HFM1: variants seen among roughly 807,000 people sequenced by gnomAD.
HFM1 encodes helicase for meiosis 1.
In HFM1, 169 loss-of-function variants were observed where a neutral mutation model predicts 192.1. The observed-to-expected ratio is 0.88, with a 90% CI of 0.78 to 1.00. The LOEUF (loss-of-function observed/expected upper bound fraction) is 1.00. HFM1 is among the 50% of genes least tolerant of loss of function. The pLI is 0.00. For missense variants in HFM1, 1,661 were observed against 1,668.0 expected, an observed-to-expected ratio of 1.00 and a Z score of 0.07; for synonymous variants, 525 against 537.8, an observed-to-expected ratio of 0.98 and a Z score of 0.33.
At chr1:91,264,743 T>C (rs1341931971) in intron 36 of HFM1, among the ~76,000 whole-genome samples, 1 of 152,116 alleles carries the variant, frequency 6.6e-6, no homozygotes, top group East Asian at 1.9e-4. Context: ...TTGGTATTTC[T>C]TCTGTTTTGA....
chr1:91,262,791 T>A (rs1207184716), intron 36 of HFM1, among the ~76,000 whole-genome samples, 199 bp from the exon 37 acceptor site: 1 of 152,130 alleles, frequency 6.6e-6, no homozygotes, highest in Non-Finnish European at 1.5e-5. Flanking sequence ...ATATCCCAAA[T>A]TAGGAAAAAG....
chr1:91,359,553 C>A (rs1246557886), intron 13 of HFM1, among the ~76,000 whole-genome samples: 10 of 136,124 alleles, frequency 7.3e-5, no homozygotes, highest in African/African-American at 1.1e-4. Flanking sequence ...GACAAGAATA[C>A]AAAAAAAAAA....
intron 30 of HFM1, among the ~76,000 whole-genome samples, chr1:91,280,091 C>T (rs1667327146): frequency 6.6e-6 from 1 of 152,138 alleles, no homozygotes; most frequent in Non-Finnish European, 1.5e-5. Context: ...TCTACTATTA[C>T]ATCAATCCAA....
chr1:91,319,069 A>G lies in HFM1; in HGVS notation c.2812+9T>C, dbSNP rs1651681538. 6.3e-7 allele frequency: 1 copy of G among 1,582,618 alleles called. No homozygotes were observed. The highest frequency in any genetic ancestry group is 1.7e-4 in the Middle Eastern group (1 of 5,822). On this transcript the variant is annotated intron_variant, in intron 25 of 38. Coordinates refer to ENST00000370425, the MANE Select transcript of HFM1 (RefSeq NM_001017975.6). The stretch of plus-strand genomic sequence containing the variant: ...ATGGCCAAACTGCCTGCCTGTATTC[A>G]GTACCTACCAATTTTTTCCAGTTGT...
At chr1:91,328,552 G>A (rs1653286929) in intron 20 of HFM1, 4 of 1,612,276 alleles carry the variant, frequency 2.5e-6, no homozygotes, top group Middle Eastern at 1.7e-4. Flanking sequence ...GAACGAGGAG[G>A]GTGAGACCAC....
At chr1:91,330,206 GT>G (rs1268390951) in intron 20 of HFM1, among the ~76,000 whole-genome samples, 1 of 151,820 alleles carries the variant, frequency 6.6e-6, no homozygotes, top group African/African-American at 2.4e-5. Context: ...TTCATGTGCT[GT>G]TTTTGTTTTA....
At position 91,273,512 on chromosome 1, in the gene HFM1, T is replaced by A. The variant is rs764431323; in HGVS notation, c.3772+200A>T. Among the ~76,000 whole-genome samples the A allele has an allele frequency of 5.9e-4, 89 of 152,106 alleles. 1 individual carries two copies. The highest frequency in any genetic ancestry group is 6.8e-3 in the Middle Eastern group (2 of 294). ...ATTATGTAGGAAAGAGATTTTTTTTTAAAAAGTACAACAAACAGAGTAAGA... is the reference window on the plus strand; with the variant it reads ...ATTATGTAGGAAAGAGATTTTTTTTAAAAAAGTACAACAAACAGAGTAAGA... On this transcript the variant is annotated intron_variant, in intron 34 of 38. Transcript: ENST00000370425.
intron 36 of HFM1, among the ~76,000 whole-genome samples, chr1:91,264,300 T>C (rs1665460412): frequency 6.7e-6 from 1 of 148,884 alleles, no homozygotes; most frequent in South Asian, 2.1e-4. Context: ...GTGATGCTGA[T>C]ACTAATAATC....
intron 13 of HFM1, among the ~76,000 whole-genome samples, chr1:91,365,419 G>A (rs1659167057): frequency 6.6e-6 from 1 of 151,874 alleles, no homozygotes; most frequent in Admixed American, 6.6e-5. Context: ...CATCACTACA[G>A]TAACCATTTT....
At chr1:91,364,632 A>ATATATATATATTTTTT (rs753472335) in intron 13 of HFM1, among the ~76,000 whole-genome samples, 23 of 66,786 alleles carry the variant, frequency 3.4e-4, no homozygotes, top group Admixed American at 2.2e-3. Context: ...ATATATATAT[A>ATATATATATATTTTTT]TTTTTTTTTT....
intron 25 of HFM1, 134 bp downstream of exon 25, chr1:91,318,944 T>C (rs140050207): frequency 4.4e-5 from 35 of 792,882 alleles, no homozygotes; most frequent in Non-Finnish European, 6.5e-5. Flanking sequence ...TTTTCGAAAG[T>C]ACAGCACTTA....
chr1:91,364,876 G>A lies in HFM1; in HGVS notation c.1685+10482C>T, dbSNP rs540416488. Among the ~76,000 whole-genome samples, 18 of 151,300 alleles carry A rather than the reference G, an allele frequency of 1.2e-4. No individual in the cohort carries two copies. The East Asian group carries it at 2.0e-3, about 16-fold the overall frequency. On this transcript the variant is annotated intron_variant, in intron 13 of 38. Coordinates refer to ENST00000370425, the MANE Select transcript of HFM1 (RefSeq NM_001017975.6). ...TCTTGATCTCCTGACCTCATGATTC[G>A]CCTGCCTCGGCCTCCCAAAGTGCTG...
intron 20 of HFM1, among the ~76,000 whole-genome samples, chr1:91,338,559 C>A (rs957150395): frequency 1.3e-5 from 2 of 152,166 alleles, no homozygotes; most frequent in African/African-American, 4.8e-5. Flanking sequence ...CGATGTGCAC[C>A]CACCAACAGC....
chr1:91,378,118 A>G lies in HFM1; in HGVS notation c.1302T>C (p.Thr434=), dbSNP rs1661123551. 6.2e-7 allele frequency: 1 copy of G among 1,611,642 alleles called. No homozygotes were observed. The highest frequency in any genetic ancestry group is 1.1e-5 in the South Asian group (1 of 90,854). ...TTAAAGTCTGAGAAACAGACTGTAC[A>G]GTTTTCATTCTGCTAACTACAACTT... is the stretch of plus-strand genomic sequence containing the variant. ...TLEVVVSRMK[T]VQSVSQTLKN... Residue 434 remains threonine, a synonymous_variant, in exon 11 of 39, where the codon ACT becomes ACC. Transcript: ENST00000370425.
At chr1:91,338,510 T>A (rs1454473967) in intron 20 of HFM1, among the ~76,000 whole-genome samples, 1 of 152,122 alleles carries the variant, frequency 6.6e-6, no homozygotes, top group African/African-American at 2.4e-5. Context: ...CATAGCTCCT[T>A]AGCCAGCAGA....
In HFM1 at chr1:91,281,064, T is replaced by A. The variant is rs556942011; in HGVS notation, c.3392-4002A>T. Among the ~76,000 whole-genome samples, 6 of 152,278 alleles carry A rather than the reference T, an allele frequency of 3.9e-5. No individual in the cohort carries two copies. In the East Asian group the frequency reaches 5.8e-4, roughly 15 times the overall value. On this transcript the variant is annotated intron_variant, in intron 30 of 38. Coordinates refer to ENST00000370425, the MANE Select transcript of HFM1 (RefSeq NM_001017975.6). ...AAGAGGGGGCACAATCAGATCTGCA[T>A]TGTGAAAAACGTCACCATATAGAGT...
chr1:91,332,412 G>T (rs915887023), intron 20 of HFM1, among the ~76,000 whole-genome samples: 7 of 152,108 alleles, frequency 4.6e-5, no homozygotes, highest in African/African-American at 1.7e-4. Context: ...GCAGAAAAAT[G>T]AAACTAGACC....
At chr1:91,295,041 T>C (rs1477250041) in intron 30 of HFM1, among the ~76,000 whole-genome samples, 1 of 152,172 alleles carries the variant, frequency 6.6e-6, no homozygotes, top group East Asian at 1.9e-4. Context: ...GTATTTTCTT[T>C]TTCACTTAAG....
chr1:91,397,495 T>C (rs1663804736), intron 2 of HFM1, among the ~76,000 whole-genome samples: 1 of 152,198 alleles, frequency 6.6e-6, no homozygotes, highest in African/African-American at 2.4e-5. Context: ...ATCTAGTCAT[T>C]TAGGATGTTA....
Sources: allele counts gnomAD v4.1 joint callset (sites outside exome capture counted in the v4.1 genomes callset), GRCh38; gene constraint gnomAD v4.1.1; transcripts MANE v1.5; gene names NCBI Gene and HGNC (gene_info 2026-07-23, HGNC 2026-07-21).